Variants in GALNTL6 observed in about 807,000 individuals in gnomAD.
GALNTL6 encodes the protein polypeptide N-acetylgalactosaminyltransferase like 6.
A neutral mutation model predicts 73.7 loss-of-function variants in GALNTL6; 46 were observed. That is an observed-to-expected ratio of 0.62 (90% CI 0.49 to 0.80). GALNTL6 has a LOEUF of 0.80. GALNTL6 is among the 30% of genes least tolerant of loss of function. The pLI is 0.00. For synonymous variants in GALNTL6, 259 were observed against 263.7 expected, an observed-to-expected ratio of 0.98 and a Z score of 0.17; for missense variants, 604 against 755.0, an observed-to-expected ratio of 0.80 and a Z score of 2.34.
intron 2 of GALNTL6, among the ~76,000 whole-genome samples, chr4:171,852,274 A>G (rs1221420745): frequency 6.6e-6 from 1 of 152,076 alleles, no homozygotes; most frequent in Admixed American, 6.5e-5. Context: ...TTTATGAACA[A>G]TTGGCTCTTA....
At chr4:173,018,782 A>T in intron 11 of GALNTL6, among the ~76,000 whole-genome samples, 1 of 152,236 alleles carries the variant, frequency 6.6e-6, no homozygotes, top group Non-Finnish European at 1.5e-5. Flanking sequence ...TGGAACATAA[A>T]CTTGAAGGAA....
chr4:172,830,090 A>G (rs990669444), intron 7 of GALNTL6, among the ~76,000 whole-genome samples: 12 of 152,364 alleles, frequency 7.9e-5, no homozygotes, highest in African/African-American at 2.6e-4. Flanking sequence ...CTAACATAAT[A>G]TAGTGAATTT....
At chr4:172,247,005 T>C (rs1200835476) in intron 3 of GALNTL6, among the ~76,000 whole-genome samples, 1 of 152,094 alleles carries the variant, frequency 6.6e-6, no homozygotes, top group Admixed American at 6.6e-5. Flanking sequence ...ACACATGTGA[T>C]CCGAATTTCC....
chr4:172,722,193 C>G (rs980983425), intron 5 of GALNTL6, among the ~76,000 whole-genome samples: 1 of 151,982 alleles, frequency 6.6e-6, no homozygotes, highest in Non-Finnish European at 1.5e-5. Context: ...AGCCTCACCA[C>G]TAAAATTAAA....
intron 2 of GALNTL6, among the ~76,000 whole-genome samples, chr4:172,072,746 C>T (rs891518812): frequency 6.6e-6 from 1 of 152,192 alleles, no homozygotes; most frequent in Non-Finnish European, 1.5e-5. Flanking sequence ...TAGCAAATCT[C>T]CACATTTCTG....
chr4:172,270,902 G>A (rs2111057005), intron 3 of GALNTL6, among the ~76,000 whole-genome samples: 1 of 152,144 alleles, frequency 6.6e-6, no homozygotes, highest in East Asian at 1.9e-4. Context: ...AACAAAACAT[G>A]TAACTAGTAT....
At chr4:172,833,233 A>G (rs1486186462) in intron 7 of GALNTL6, among the ~76,000 whole-genome samples, 6 of 152,216 alleles carry the variant, frequency 3.9e-5, no homozygotes, top group Admixed American at 3.3e-4. Flanking sequence ...CGGTAAGCCA[A>G]ATTTATAAAG....
chr4:171,998,983 G>T lies in GALNTL6; in HGVS notation c.138+184265G>T, dbSNP rs1466285027. On this transcript the variant is annotated intron_variant, in intron 2 of 12. Transcript: ENST00000506823. ...GCCTCATACCCTCAAGTAATGTCCA[G>T]AGGAAGAAGGAATTGTACTTTCTGA... Among the ~76,000 whole-genome samples the T allele has an allele frequency of 2.6e-5, 4 of 152,150 alleles. No individual in the cohort carries two copies. In the East Asian group the frequency reaches 5.8e-4, roughly 22 times the overall value.
At chr4:172,613,921 T>G (rs1355448556) in intron 5 of GALNTL6, among the ~76,000 whole-genome samples, 1 of 152,104 alleles carries the variant, frequency 6.6e-6, no homozygotes, top group Non-Finnish European at 1.5e-5. Context: ...CTAAAGGCAT[T>G]TTGTTCTAGC....
At chr4:172,918,890 A>T (rs534958545) in intron 8 of GALNTL6, among the ~76,000 whole-genome samples, 3 of 152,328 alleles carry the variant, frequency 2.0e-5, no homozygotes, top group South Asian at 4.2e-4. Context: ...CTTTTCCTAG[A>T]GATAGAAATA....
In GALNTL6 at chr4:171,905,614, A is replaced by C. The variant is rs1737251297; in HGVS notation, c.138+90896A>C. Among the ~76,000 whole-genome samples the C allele has an allele frequency of 1.3e-5, 2 of 150,120 alleles. 1 individual carries two copies. Among genetic ancestry groups the C allele is most frequent in the African/African-American group, 5.1e-5 (2 of 39,538 alleles). On this transcript the variant is annotated intron_variant, in intron 2 of 12. Transcript: ENST00000506823. ...CAGAAAGTCAACAAGGATACCCAGG[A>C]ATTGAACTCAGCTCTGCACCAAGTG...
At chr4:172,234,639 A>G (rs1737177418) in intron 3 of GALNTL6, among the ~76,000 whole-genome samples, 4 of 152,046 alleles carry the variant, frequency 2.6e-5, no homozygotes, top group Admixed American at 6.6e-5. Context: ...TCTAATGGAA[A>G]CCAAATTTGT....
chr4:171,968,859 C>T (rs1739474614), intron 2 of GALNTL6, among the ~76,000 whole-genome samples: 1 of 150,324 alleles, frequency 6.7e-6, no homozygotes, highest in Non-Finnish European at 1.5e-5. Context: ...GGGTTGGGGA[C>T]AGAGTCTCGC....
At chr4:172,133,743 T>TA (rs1733561517) in intron 2 of GALNTL6, among the ~76,000 whole-genome samples, 1 of 152,146 alleles carries the variant, frequency 6.6e-6, no homozygotes, top group Non-Finnish European at 1.5e-5. Flanking sequence ...TACATGCACT[T>TA]ACTATGTTCA....
At chr4:172,086,747 G>T (rs1732044698) in intron 2 of GALNTL6, among the ~76,000 whole-genome samples, 1 of 151,972 alleles carries the variant, frequency 6.6e-6, no homozygotes, top group South Asian at 2.1e-4. Flanking sequence ...CATTCTTATT[G>T]ACTTCTTATT....
intron 2 of GALNTL6, among the ~76,000 whole-genome samples, chr4:171,956,472 C>T (rs988770968): frequency 6.6e-6 from 1 of 152,084 alleles, no homozygotes; most frequent in African/African-American, 2.4e-5. Flanking sequence ...CATCCTTGTA[C>T]ACATCTTTAT....
intron 8 of GALNTL6, among the ~76,000 whole-genome samples, chr4:172,914,002 G>A (rs1332731950): frequency 2.0e-5 from 3 of 152,086 alleles, no homozygotes; most frequent in Admixed American, 6.5e-5. Flanking sequence ...GAAAGGTCAG[G>A]TTACCCACAA....
chr4:172,924,422 G>A (rs1239730961), intron 8 of GALNTL6, among the ~76,000 whole-genome samples: 1 of 152,216 alleles, frequency 6.6e-6, no homozygotes, highest in African/African-American at 2.4e-5. Context: ...TGGGACGGAT[G>A]CTTGGCACCT....
Position 172,598,250 on chromosome 4 carries a change from T to C in GALNTL6, c.554-211111T>C, listed in dbSNP as rs1218888479. Among the ~76,000 whole-genome samples the C allele has an allele frequency of 3.7e-4, 56 of 152,168 alleles. 1 individual carries two copies. Among genetic ancestry groups the C allele is most frequent in the Admixed American group, 3.7e-3 (56 of 15,268 alleles). Reference sequence around the variant, plus strand: ...CCTAAAATACATGATCCAAACATATTGGCAGTGATTTTTTTTCTTGGAAAA... The same window carrying C: ...CCTAAAATACATGATCCAAACATATCGGCAGTGATTTTTTTTCTTGGAAAA... On this transcript the variant is annotated intron_variant, in intron 5 of 12. Transcript: ENST00000506823.
Sources: gnomAD v4.1 joint callset for allele counts (sites outside exome capture counted in the v4.1 genomes callset) on GRCh38, gnomAD v4.1.1 for gene constraint, MANE v1.5 for transcripts, NCBI Gene and HGNC (gene_info 2026-07-23, HGNC 2026-07-21) for gene names.